The following XRN1 variants were observed in gnomAD, a reference collection of about 807,000 sequenced individuals.
XRN1 encodes the protein 5'-3' exoribonuclease 1.
XRN1 carries 67 observed loss-of-function variants against 222.3 expected under a neutral mutation model. The ratio of observed to expected loss-of-function variants is 0.30; its 90% confidence interval spans 0.25 to 0.37. The LOEUF is 0.37. Ranked by LOEUF, XRN1 falls within the 10% of genes least tolerant of loss-of-function variation. The pLI, the probability that XRN1 is intolerant of heterozygous loss-of-function variation, is 1.00. For missense variants in XRN1, 1,707 were observed against 2,000.2 expected, an observed-to-expected ratio of 0.85 and a Z score of 2.80; for synonymous variants, 643 against 652.4, an observed-to-expected ratio of 0.99 and a Z score of 0.22.
At chr3:142,339,086 G>T (rs746182651) in intron 33 of XRN1, among the ~76,000 whole-genome samples, 1 of 152,156 alleles carries the variant, frequency 6.6e-6, no homozygotes, top group East Asian at 1.9e-4. Flanking sequence ...CTAGGACCTT[G>T]AGTAAACACA....
Position 142,357,132 on chromosome 3 carries a change from G to A in XRN1, c.3465-13C>T, listed in dbSNP as rs746666739. The A allele has an allele frequency of 6.3e-7, 1 of 1,591,944 alleles. No homozygotes were observed. The highest frequency in any genetic ancestry group is 8.6e-7 in the Non-Finnish European group (1 of 1,167,886). ...ACCAGGTGAGCATCTAAAAGTAAAA[G>A]TTATATCAGGGTTGGAAGGAAAACA... On this transcript the variant is annotated splice_polypyrimidine_tract_variant and intron_variant, in intron 30 of 40. Transcript: ENST00000392981.
chr3:142,316,742 G>C lies in XRN1; in HGVS notation c.4621+1850C>G, dbSNP rs866810134. 2.6e-5 allele frequency among the ~76,000 whole-genome samples: 4 copies of C among 152,054 alleles called. No individual in the cohort carries two copies. The South Asian group carries it at 8.3e-4, about 32-fold the overall frequency. Reference sequence around the variant, plus strand: ...TAATTTTCTTTTAAACTACTGCTTTGTTTTGTTGGAGCATGTAATTCAGTA... The same window carrying C: ...TAATTTTCTTTTAAACTACTGCTTTCTTTTGTTGGAGCATGTAATTCAGTA... On this transcript the variant is annotated intron_variant, in intron 39 of 40. Coordinates refer to ENST00000392981, the MANE Select transcript of XRN1 (RefSeq NM_001282857.2).
intron 20 of XRN1, among the ~76,000 whole-genome samples, chr3:142,387,863 G>T (rs372548308): frequency 6.6e-6 from 1 of 152,040 alleles, no homozygotes; most frequent in Admixed American, 6.6e-5. Context: ...CTGTTAAAAA[G>T]AACCTGGCAC....
intron 33 of XRN1, among the ~76,000 whole-genome samples, chr3:142,340,323 C>A (rs1457276776): frequency 6.6e-6 from 1 of 151,886 alleles, no homozygotes; most frequent in Non-Finnish European, 1.5e-5. Flanking sequence ...CCACTGCACT[C>A]CAGCCTGGGC....
chr3:142,407,900 C>A (rs1181798479), intron 15 of XRN1, among the ~76,000 whole-genome samples: 1 of 152,230 alleles, frequency 6.6e-6, no homozygotes, highest in Non-Finnish European at 1.5e-5. Context: ...CACAGCAATG[C>A]TGACAAATGC....
chr3:142,340,767 T>A (rs1164248980), intron 33 of XRN1, among the ~76,000 whole-genome samples: 3 of 152,150 alleles, frequency 2.0e-5, no homozygotes, highest in East Asian at 1.9e-4. Context: ...GACAGTGGCA[T>A]GACATATTTA....
chr3:142,322,819 A>G (rs1277876827), intron 37 of XRN1, among the ~76,000 whole-genome samples: 2 of 152,064 alleles, frequency 1.3e-5, no homozygotes, highest in East Asian at 3.9e-4. Flanking sequence ...CCTGACCAAC[A>G]TGGTGAAACC....
chr3:142,384,781 T>G, intron 20 of XRN1, 96 bp from the exon 21 acceptor site: 1 of 956,020 alleles, frequency 1.0e-6, no homozygotes, highest in Non-Finnish European at 1.5e-6. Flanking sequence ...CAACTCATAA[T>G]CAAGTGTGTA....
chr3:142,360,639 T>C (rs112969660), intron 29 of XRN1, among the ~76,000 whole-genome samples: 1 of 151,068 alleles, frequency 6.6e-6, no homozygotes, highest in Admixed American at 6.6e-5. Context: ...CCGAGGCAGG[T>C]GGATCACGAG....
chr3:142,414,047 A>C, intron 14 of XRN1, 88 bp downstream of exon 14: 1 of 1,309,242 alleles, frequency 7.6e-7, no homozygotes, highest in Non-Finnish European at 1.0e-6. Context: ...TAGCTACCAA[A>C]TAAATTTGAG....
At chr3:142,343,442 G>A (rs755401613) in intron 33 of XRN1, among the ~76,000 whole-genome samples, 15 of 148,124 alleles carry the variant, frequency 1.0e-4, no homozygotes, top group Admixed American at 2.0e-4. Context: ...CAACAAGAGC[G>A]AAATTCCGTC....
intron 19 of XRN1, among the ~76,000 whole-genome samples, chr3:142,398,447 G>A (rs925203857): frequency 1.3e-5 from 2 of 150,436 alleles, no homozygotes; most frequent in Non-Finnish European, 3.0e-5. Context: ...GCTCACTGCA[G>A]CCTCAAACTT....
At chr3:142,421,572 C>T (rs910778959) in intron 8 of XRN1, 29 bp from the exon 9 acceptor site, 13 of 1,506,562 alleles carry the variant, frequency 8.6e-6, no homozygotes, top group Non-Finnish European at 1.2e-5. Context: ...TAAATCTGTA[C>T]TAAAAGCTGA....
At chr3:142,432,268 A>ATTT in intron 2 of XRN1, among the ~76,000 whole-genome samples, 1 of 127,330 alleles carries the variant, frequency 7.9e-6, no homozygotes, top group African/African-American at 3.8e-5. Context: ...TATATATAAA[A>ATTT]AATTAGCTGG....
intron 37 of XRN1, among the ~76,000 whole-genome samples, chr3:142,324,773 T>C (rs1474678639): frequency 6.6e-6 from 1 of 152,004 alleles, no homozygotes; most frequent in Non-Finnish European, 1.5e-5. Flanking sequence ...TCCTGACTTT[T>C]TAATGATCAC....
At chr3:142,404,445 GA>G (rs11316843) in intron 16 of XRN1, among the ~76,000 whole-genome samples, 90,115 of 151,524 alleles carry the variant, frequency 0.59, 28,084 homozygotes, top group African/African-American at 0.8. Flanking sequence ...TGAGAGAAGA[GA>G]AAAAAAAGGA....
intron 37 of XRN1, among the ~76,000 whole-genome samples, chr3:142,324,523 C>CT (rs1377500281): frequency 6.6e-6 from 1 of 151,658 alleles, no homozygotes; most frequent in African/African-American, 2.4e-5. Flanking sequence ...GGTTCCAAGT[C>CT]TTTGCTATTG....
intron 27 of XRN1, among the ~76,000 whole-genome samples, chr3:142,368,104 A>C (rs927789229): frequency 1.3e-5 from 2 of 150,490 alleles, no homozygotes; most frequent in Admixed American, 6.7e-5. Flanking sequence ...TTATATATAA[A>C]TATGTATTTA....
At chr3:142,329,842 C>G (rs1345818884) in intron 36 of XRN1, among the ~76,000 whole-genome samples, 2 of 152,166 alleles carry the variant, frequency 1.3e-5, no homozygotes, top group Non-Finnish European at 2.9e-5. Context: ...GTCAGCTTAC[C>G]TTCAGTGGTC....
Sources: allele counts gnomAD v4.1 joint callset (sites outside exome capture counted in the v4.1 genomes callset), GRCh38; gene constraint gnomAD v4.1.1; transcripts MANE v1.5; gene names NCBI Gene and HGNC (gene_info 2026-07-23, HGNC 2026-07-21).